Variants in ATOSA observed in about 807,000 individuals in gnomAD.
ATOSA encodes atos homolog A.
the ATOSA span, among the ~76,000 whole-genome samples, chr15:52,680,931 A>G: frequency 2.6e-5 from 4 of 152,308 alleles, no homozygotes; most frequent in East Asian, 7.7e-4. Context: ...AAAAACCTAA[A>G]TTTAGCACAA....
At chr15:52,685,780 T>A in the ATOSA span, among the ~76,000 whole-genome samples, 1 of 152,140 alleles carries the variant, frequency 6.6e-6, no homozygotes, top group Non-Finnish European at 1.5e-5. Context: ...GTATCTTAGC[T>A]CATTGTAACC....
the ATOSA span, chr15:52,611,877 A>T: frequency 9.2e-7 from 1 of 1,084,132 alleles, no homozygotes; most frequent in African/African-American, 1.6e-5. Context: ...TGTGTGAGAA[A>T]TGAGTCAGCT....
At chr15:52,676,390 GAAATAGAATAGA>G in the ATOSA span, among the ~76,000 whole-genome samples, 18 of 152,226 alleles carry the variant, frequency 1.2e-4, no homozygotes, top group East Asian at 3.1e-3. Flanking sequence ...TTCAAAACGT[GAAATAGAATAGA>G]AAATACAACA....
the ATOSA span, among the ~76,000 whole-genome samples, chr15:52,589,599 T>C: frequency 6.6e-6 from 1 of 152,164 alleles, no homozygotes; most frequent in Admixed American, 6.6e-5. Context: ...TTTAAAACAA[T>C]TTGTAAGCAA....
the ATOSA span, among the ~76,000 whole-genome samples, chr15:52,662,606 TA>T: frequency 6.6e-6 from 1 of 151,684 alleles, no homozygotes; most frequent in African/African-American, 2.4e-5. Flanking sequence ...CCGTCTCTAC[TA>T]AAAATACAAA....
At chr15:52,673,324 G>A in the ATOSA span, among the ~76,000 whole-genome samples, 1 of 152,096 alleles carries the variant, frequency 6.6e-6, no homozygotes, top group African/African-American at 2.4e-5. Flanking sequence ...AACCACTTTG[G>A]TCCCAAAATC....
At chr15:52,652,495 C>T in the ATOSA span, among the ~76,000 whole-genome samples, 1 of 152,056 alleles carries the variant, frequency 6.6e-6, no homozygotes, top group African/African-American at 2.4e-5. Flanking sequence ...CCTTCATATA[C>T]CTGGAACTTT....
chr15:52,630,230 C>T, the ATOSA span, among the ~76,000 whole-genome samples: 1 of 152,098 alleles, frequency 6.6e-6, no homozygotes, highest in Non-Finnish European at 1.5e-5. Context: ...CTTTGTTTCC[C>T]AAGTTGGTTG....
the ATOSA span, chr15:52,613,618 T>C: frequency 1.3e-6 from 2 of 1,495,842 alleles, no homozygotes; most frequent in Non-Finnish European, 1.8e-6. Context: ...AAGGTGATGA[T>C]GAACATAAAC....
the ATOSA span, among the ~76,000 whole-genome samples, chr15:52,640,920 A>C: frequency 6.6e-6 from 1 of 152,198 alleles, no homozygotes; most frequent in African/African-American, 2.4e-5. Context: ...AAGGACTACC[A>C]TATGATCCAG....
the ATOSA span, among the ~76,000 whole-genome samples, chr15:52,672,191 A>AAAAAAAAAAAAAAAAAAAAAAC: frequency 1.3e-5 from 2 of 149,558 alleles, no homozygotes; most frequent in African/African-American, 4.9e-5. Flanking sequence ...AAAAAAAAAA[A>AAAAAAAAAAAAAAAAAAAAAAC]AAAGACAATT....
chr15:52,584,922 G>A, the ATOSA span: 1 of 1,611,000 alleles, frequency 6.2e-7, no homozygotes, highest in Non-Finnish European at 8.5e-7. Context: ...CTTCACCACA[G>A]TCTTATTAGG....
the ATOSA span, chr15:52,611,740 A>C: frequency 6.2e-7 from 1 of 1,614,036 alleles, no homozygotes; most frequent in Non-Finnish European, 8.5e-7. Flanking sequence ...CTTCCACAAC[A>C]ATGTGACCTC....
chr15:52,666,757 T>C, the ATOSA span, among the ~76,000 whole-genome samples: 3 of 152,254 alleles, frequency 2.0e-5, no homozygotes, highest in Non-Finnish European at 4.4e-5. Flanking sequence ...AGTGAACAAA[T>C]GCCACTAAAT....
the ATOSA span, chr15:52,678,366 G>T: frequency 2.5e-6 from 1 of 403,486 alleles, no homozygotes; most frequent in South Asian, 3.9e-5. Flanking sequence ...ACCAAAACAG[G>T]ATCTATTTAT....
chr15:52,600,367 C>T, the ATOSA span: 134 of 522,250 alleles, frequency 2.6e-4, no homozygotes, highest in Non-Finnish European at 3.9e-4. Flanking sequence ...AGCTCAAACT[C>T]CTGGCTTCAG....
At chr15:52,677,788 T>C in the ATOSA span, among the ~76,000 whole-genome samples, 96 of 152,230 alleles carry the variant, frequency 6.3e-4, 1 homozygote, top group Admixed American at 6.2e-3. Flanking sequence ...AGAATCTCTC[T>C]TGAAGCTAGT....
chr15:52,606,707 G>C, the ATOSA span, among the ~76,000 whole-genome samples: 1 of 152,170 alleles, frequency 6.6e-6, no homozygotes, highest in Non-Finnish European at 1.5e-5. Context: ...GTAGGTTTTT[G>C]TGACAATTAT....
the ATOSA span, among the ~76,000 whole-genome samples, chr15:52,676,957 C>T: frequency 6.6e-6 from 1 of 152,168 alleles, no homozygotes; most frequent in African/African-American, 2.4e-5. Context: ...ATACTTGATA[C>T]ATACATAGCT....
Sources: gnomAD v4.1 joint callset for allele counts (sites outside exome capture counted in the v4.1 genomes callset) on GRCh38, gnomAD v4.1.1 for gene constraint, MANE v1.5 for transcripts, NCBI Gene and HGNC (gene_info 2026-07-23, HGNC 2026-07-21) for gene names.